Variants in MAP4K4 observed in about 807,000 individuals in gnomAD.
The protein encoded by MAP4K4 is mitogen-activated protein kinase kinase kinase kinase 4.
In MAP4K4, 38 loss-of-function variants were observed where a neutral mutation model predicts 189.6. The ratio of observed to expected loss-of-function variants is 0.20; its 90% CI spans 0.15 to 0.26. MAP4K4 has a LOEUF of 0.26. Among genes scored for constraint, MAP4K4 ranks in the 10% least tolerant of loss-of-function variants. MAP4K4 has a pLI of 1.00. For synonymous variants in MAP4K4, 610 were observed against 624.3 expected (o/e 0.98, Z 0.34); for missense variants, 1,054 against 1,726.9 (o/e 0.61, Z 6.91).
At chr2:101,868,680 G>A (rs940909377) in intron 21 of MAP4K4, among the ~76,000 whole-genome samples, 1 of 152,218 alleles carries the variant, frequency 6.6e-6, no homozygotes, top group Admixed American at 6.5e-5. Context: ...GGGCGTTAGG[G>A]ACGCCCACAG....
At chr2:101,813,010 TC>T (rs1225279262) in intron 3 of MAP4K4, among the ~76,000 whole-genome samples, 1 of 152,082 alleles carries the variant, frequency 6.6e-6, no homozygotes, top group Non-Finnish European at 1.5e-5. Context: ...GTGCCTGTAG[TC>T]CCAGCTACTC....
At chr2:101,802,236 AC>A (rs2094440458) in intron 3 of MAP4K4, among the ~76,000 whole-genome samples, 1 of 152,066 alleles carries the variant, frequency 6.6e-6, no homozygotes, top group Non-Finnish European at 1.5e-5. Flanking sequence ...TTTGGCTGCC[AC>A]CCTCTGTTGC....
chr2:101,797,230 T>C, intron 3 of MAP4K4: 1 of 1,289,510 alleles, frequency 7.8e-7, no homozygotes, highest in Non-Finnish European at 1.0e-6. Context: ...TGGGACCTAT[T>C]GTTCTATTCT....
chr2:101,730,684 G>T (rs564634483), intron 2 of MAP4K4, among the ~76,000 whole-genome samples: 1 of 152,264 alleles, frequency 6.6e-6, no homozygotes, highest in South Asian at 2.1e-4. Flanking sequence ...ATACGTTTTT[G>T]AATTTTTCCC....
In MAP4K4 at chr2:101,874,349, A is replaced by G. The variant is rs935714838; in HGVS notation, c.3241+97A>G. 5.4e-6 allele frequency: 6 copies of G among 1,101,980 alleles called. No individual in the cohort carries two copies. The Admixed American group carries it at 1.4e-4, about 26-fold the overall frequency. The allele number at this position is 1,101,980 out of a possible 1,614,324, so 68.3% of individuals were successfully genotyped here. A position where few individuals can be genotyped will look rare whatever the true frequency, so the allele number is the denominator to read the frequency against. ...TGCATTGAATAGTTTGTGGATAGAC[A>G]GGATGGAAGACTTCTATGATGTCCA... On this transcript the variant is annotated intron_variant, in intron 26 of 32. Coordinates refer to ENST00000324219, the Ensembl canonical transcript of MAP4K4.
intron 2 of MAP4K4, among the ~76,000 whole-genome samples, chr2:101,707,701 T>G (rs1454096099): frequency 8.4e-6 from 1 of 119,246 alleles, no homozygotes. Context: ...TTGTTTTTTT[T>G]TTTTTTTGAG....
chr2:101,866,676 A>G, intron 19 of MAP4K4, 97 bp downstream of exon 19: 4 of 1,413,426 alleles, frequency 2.8e-6, no homozygotes, highest in Non-Finnish European at 3.9e-6. Flanking sequence ...GTGTAGCCAC[A>G]CGTCACAAAA....
chr2:101,712,419 C>G (rs1312764345), intron 2 of MAP4K4, among the ~76,000 whole-genome samples: 1 of 152,088 alleles, frequency 6.6e-6, no homozygotes, highest in Non-Finnish European at 1.5e-5. Flanking sequence ...TGGTCTTGAT[C>G]TCCTGACCTC....
chr2:101,778,857 C>T (rs2085757116), intron 2 of MAP4K4, among the ~76,000 whole-genome samples: 1 of 152,104 alleles, frequency 6.6e-6, no homozygotes, highest in African/African-American at 2.4e-5. Flanking sequence ...AGGAAAAGTG[C>T]TGATCCAAAT....
At position 101,870,273 on chromosome 2, in the gene MAP4K4, C is replaced by T. The variant is rs142153165; in HGVS notation, c.2640-22C>T. The T allele has an allele frequency of 1.0e-3, 1,685 of 1,609,794 alleles. 16 individuals are homozygous for T. In the African/African-American group the frequency reaches 0.021, roughly 20 times the overall value. On this transcript the variant is annotated intron_variant, in intron 22 of 32. Coordinates refer to ENST00000324219, the Ensembl canonical transcript of MAP4K4. ...TGACTCCAGAGATTAAGGCCTTTCA[C>T]GTCTGGATTTTTTCTCCATAGGTCA...
rs138940196 is a variant in MAP4K4 at position 101,793,942 on chromosome 2, A to G, written c.180+3166A>G. Among the ~76,000 whole-genome samples, 191 of 152,276 alleles carry G rather than the reference A, an allele frequency of 1.3e-3. 1 individual carries two copies. The highest frequency in any genetic ancestry group is 4.5e-3 in the African/African-American group (187 of 41,550). On this transcript the variant is annotated intron_variant, in intron 3 of 32. Coordinates refer to ENST00000324219, the Ensembl canonical transcript of MAP4K4. Reference sequence around the variant, plus strand: ...TCCTCGGGTGAGGTGACAAGGGACTATGGAGGAAACCAAGGGGTCTGGAAG... The same window carrying G: ...TCCTCGGGTGAGGTGACAAGGGACTGTGGAGGAAACCAAGGGGTCTGGAAG...
At chr2:101,763,426 T>C (rs78958661) in intron 2 of MAP4K4, among the ~76,000 whole-genome samples, 4 of 152,340 alleles carry the variant, frequency 2.6e-5, no homozygotes, top group African/African-American at 7.2e-5. Context: ...TATATACATA[T>C]CATTTTCTTT....
At chr2:101,875,565 G>T (rs73945507) in intron 26 of MAP4K4, among the ~76,000 whole-genome samples, 2,006 of 152,272 alleles carry the variant, frequency 0.013, 44 homozygotes, top group African/African-American at 0.045. Context: ...GAAATAGGGT[G>T]TGGGTGGGTG....
rs2149081875 is a variant in MAP4K4, at chr2:101,698,125, C to T, written c.45C>T (p.Leu15=). The T allele has an allele frequency of 3.2e-6, 4 of 1,262,284 alleles. 1 individual carries two copies. The South Asian group carries it at 5.6e-5, about 18-fold the overall frequency. 78.2% of individuals were successfully genotyped at this position (1,262,284 alleles called of 1,614,324 possible). A position where few individuals can be genotyped will look rare whatever the true frequency, so the allele number is the denominator to read the frequency against. The change falls in exon 1 of 33, where the codon CTC becomes CTT. Residue 15 remains leucine, a synonymous_variant. Transcript: ENST00000324219. ...CAAAAAGTCTGGTGGACATCGACCT[C>T]TCCTCCCTGCGGGTGAGTGGGCCCG...
chr2:101,849,116 T>G lies in MAP4K4; in HGVS notation c.1233+4805T>G, dbSNP rs144964731. On this transcript the variant is annotated intron_variant, in intron 12 of 32. Transcript: ENST00000324219. ...ATTCAGAAAAGGATAATTTTCTTCC[T>G]CCCTCAAAAAGGTGTTTTGTTTTGG... Among the ~76,000 whole-genome samples, 471 of 152,182 alleles carry G rather than the reference T, an allele frequency of 3.1e-3. 3 individuals are homozygous for G. Among genetic ancestry groups the G allele is most frequent in the African/African-American group, 0.01 (433 of 41,516 alleles).
intron 2 of MAP4K4, among the ~76,000 whole-genome samples, chr2:101,748,058 G>A (rs754233294): frequency 6.6e-6 from 1 of 152,132 alleles, no homozygotes; most frequent in Non-Finnish European, 1.5e-5. Flanking sequence ...ATACATTGTA[G>A]TCTGTTTTCT....
At chr2:101,734,662 C>T (rs546505546) in intron 2 of MAP4K4, among the ~76,000 whole-genome samples, 3 of 152,120 alleles carry the variant, frequency 2.0e-5, no homozygotes, top group East Asian at 1.9e-4. Flanking sequence ...GCCTGTGCAC[C>T]GCTTGGTGGC....
Position 101,711,310 on chromosome 2 carries a change from C to CT in MAP4K4, c.123+12782dup, listed in dbSNP as rs148652852. On this transcript the variant is annotated intron_variant, in intron 2 of 32. Transcript: ENST00000324219. ...ATAATTAAAAGATAAAGTTTTTTTG[C>CT]TTTTTTTTTTAAGACAGAGCTGCAA... 3.5e-3 allele frequency among the ~76,000 whole-genome samples: 522 copies of CT among 147,948 alleles called. 18 individuals are homozygous for CT. In the East Asian group the frequency reaches 0.074, roughly 21 times the overall value.
intron 3 of MAP4K4, among the ~76,000 whole-genome samples, chr2:101,815,667 A>G (rs1375342105): frequency 1.3e-5 from 2 of 152,154 alleles, no homozygotes; most frequent in African/African-American, 4.8e-5. Context: ...TTCTGGGATG[A>G]AGGTAGTTCT....
Sources: gnomAD v4.1 joint callset for allele counts (sites outside exome capture counted in the v4.1 genomes callset) on GRCh38, gnomAD v4.1.1 for gene constraint, MANE v1.5 for transcripts, NCBI Gene and HGNC (gene_info 2026-07-23, HGNC 2026-07-21) for gene names.